ARPP21: variants seen among roughly 807,000 people sequenced by gnomAD.
ARPP21 encodes cAMP regulated phosphoprotein 21.
In ARPP21, 69 loss-of-function variants were observed where a neutral mutation model predicts 113.2. That is an observed-to-expected ratio of 0.61 (90% CI 0.50 to 0.74). The LOEUF is 0.74. Ranked by LOEUF, ARPP21 falls within the 30% of genes least tolerant of loss-of-function variation. ARPP21 has a pLI of 0.00. For missense variants in ARPP21, 1,070 were observed against 1,037.4 expected (o/e 1.03, Z -0.43); for synonymous variants, 368 against 375.5 (o/e 0.98, Z 0.23).
At chr3:35,737,641 G>T (rs778241057) in intron 16 of ARPP21, among the ~76,000 whole-genome samples, 20 of 152,198 alleles carry the variant, frequency 1.3e-4, no homozygotes, top group Non-Finnish European at 2.8e-4. Context: ...TTTTTTAAAT[G>T]TATGGAGGAG....
intron 13 of ARPP21, among the ~76,000 whole-genome samples, chr3:35,720,730 T>C (rs999250539): frequency 6.6e-6 from 1 of 152,214 alleles, no homozygotes; most frequent in African/African-American, 2.4e-5. Flanking sequence ...AATTTCTCTA[T>C]AAAACACATG....
chr3:35,697,361 T>C (rs746524054), intron 9 of ARPP21, among the ~76,000 whole-genome samples: 59 of 151,716 alleles, frequency 3.9e-4, no homozygotes, highest in Non-Finnish European at 6.5e-4. Context: ...CAAGGACATA[T>C]CCAGTGATCC....
rs767177658 is a variant in ARPP21 at position 35,683,719 on chromosome 3, C to A, written c.172-7C>A. 2 of 1,068,502 alleles carry A rather than the reference C, an allele frequency of 1.9e-6. No homozygotes were observed. Among genetic ancestry groups the A allele is most frequent in the South Asian group, 1.3e-5 (1 of 78,072 alleles). The allele number at this position is 1,068,502 out of a possible 1,614,324, so 66.2% of individuals were successfully genotyped here. On this transcript the variant is annotated splice_region_variant and splice_polypyrimidine_tract_variant and intron_variant, in intron 4 of 20. Coordinates refer to ENST00000684406, the MANE Select transcript of ARPP21 (RefSeq NM_001385562.1). ...CCTTTCCTTCCCTTTTCTTTCCCCC[C>A]TCCTAGTCAGGAGCAGGAAAAGGTA...
intron 8 of ARPP21, 88 bp downstream of exon 8, chr3:35,690,228 A>C (rs2081844588): frequency 2.7e-6 from 2 of 746,878 alleles, no homozygotes; most frequent in Non-Finnish European, 4.9e-6. Context: ...AGACTTAGGG[A>C]TAGACAAAAC....
intron 19 of ARPP21, among the ~76,000 whole-genome samples, chr3:35,766,282 C>A (rs1370220035): frequency 2.0e-5 from 3 of 152,128 alleles, no homozygotes; most frequent in Non-Finnish European, 4.4e-5. Context: ...TGTAAATCTT[C>A]ACAAGTTGGA....
At chr3:35,763,349 A>T (rs1294253965) in intron 19 of ARPP21, among the ~76,000 whole-genome samples, 1 of 152,120 alleles carries the variant, frequency 6.6e-6, no homozygotes, top group Admixed American at 6.6e-5. Context: ...CATTAGAGTT[A>T]ATGTCATATT....
chr3:35,682,709 G>A (rs945439844), intron 3 of ARPP21, 139 bp from the exon 4 acceptor site: 1 of 658,420 alleles, frequency 1.5e-6, no homozygotes, highest in Non-Finnish European at 2.4e-6. Flanking sequence ...ATGTTCTGTT[G>A]CTATTATTAT....
intron 18 of ARPP21, among the ~76,000 whole-genome samples, chr3:35,741,273 TAGAA>T (rs1279841714): frequency 3.3e-5 from 5 of 152,196 alleles, no homozygotes; most frequent in Non-Finnish European, 7.3e-5. Flanking sequence ...TTTAAAAAGA[TAGAA>T]AGAGAGGGAG....
chr3:35,739,621 A>G, intron 18 of ARPP21, 44 bp downstream of exon 18: 1 of 1,559,332 alleles, frequency 6.4e-7, no homozygotes, highest in South Asian at 1.2e-5. Flanking sequence ...CTGATTTCTG[A>G]TGCATTTTGA....
intron 19 of ARPP21, among the ~76,000 whole-genome samples, chr3:35,757,224 A>G (rs948956335): frequency 2.0e-5 from 3 of 149,752 alleles, no homozygotes; most frequent in Non-Finnish European, 2.9e-5. Context: ...ACATCTGGCT[A>G]ATTAAAAAAA....
intron 19 of ARPP21, among the ~76,000 whole-genome samples, chr3:35,757,943 A>C (rs2095632035): frequency 6.6e-6 from 1 of 152,152 alleles, no homozygotes; most frequent in Non-Finnish European, 1.5e-5. Context: ...CAATTCACAA[A>C]ACAACTGGTA....
chr3:35,736,638 A>G lies in ARPP21; in HGVS notation c.1460-540A>G, dbSNP rs191008556. Among the ~76,000 whole-genome samples, 438 of 152,318 alleles carry G rather than the reference A, an allele frequency of 2.9e-3. 3 individuals are homozygous for G. Among genetic ancestry groups the G allele is most frequent in the South Asian group, 0.026 (124 of 4,826 alleles). On this transcript the variant is annotated intron_variant, in intron 15 of 20. Transcript: ENST00000684406. ...GGTATCCTTGCTTATGTCTATTTCG[A>G]GAAATGAGTGAATGGATATGTTATG...
intron 19 of ARPP21, among the ~76,000 whole-genome samples, chr3:35,791,975 A>G (rs1472394053): frequency 1.3e-5 from 2 of 152,228 alleles, no homozygotes; most frequent in Non-Finnish European, 2.9e-5. Context: ...TAGTCAGGGA[A>G]TGAGTCAATT....
At chr3:35,744,508 C>T (rs773585541) in intron 19 of ARPP21, 7 of 531,312 alleles carry the variant, frequency 1.3e-5, no homozygotes, top group African/African-American at 3.9e-5. Flanking sequence ...ATACACTGTA[C>T]GAGAGTGAGT....
chr3:35,739,519 A>G lies in ARPP21; in HGVS notation c.1952A>G (p.Gln651Arg), dbSNP rs761415722. 1 of 1,614,076 alleles carries G rather than the reference A, an allele frequency of 6.2e-7. No homozygotes were observed. Among genetic ancestry groups the G allele is most frequent in the Non-Finnish European group, 8.5e-7 (1 of 1,179,992 alleles). ...FSGSGPPISQQVLQPPPSPQG... is the reference protein window; with the variant it reads ...FSGSGPPISQRVLQPPPSPQG... ...GGCTCTGGCCCTCCCATCTCCCAGCAGGTCCTCCAGCCCCCTCCCTCACCA... is the reference window on the plus strand; with the variant it reads ...GGCTCTGGCCCTCCCATCTCCCAGCGGGTCCTCCAGCCCCCTCCCTCACCA... Residue 651 changes from glutamine to arginine, a missense_variant, in exon 18 of 21, where the codon CAG becomes CGG. Physicochemically the swap from Gln to Arg is conservative, Grantham distance 43. Coordinates refer to ENST00000684406, the MANE Select transcript of ARPP21 (RefSeq NM_001385562.1).
rs367880791 is a variant in ARPP21, at chr3:35,660,090, T to C, written c.-213+19692T>C. ...CCTTCCTGGCATCCTTCTCAGGGAT[T>C]CTCAGCTTTTGGACCTTGACTTCTT... is the stretch of plus-strand genomic sequence containing the variant. On this transcript the variant is annotated intron_variant, in intron 1 of 20. Coordinates refer to ENST00000684406, the MANE Select transcript of ARPP21 (RefSeq NM_001385562.1). Among the ~76,000 whole-genome samples, 64 of 152,318 alleles carry C rather than the reference T, an allele frequency of 4.2e-4. No individual in the cohort carries two copies. In the Middle Eastern group the frequency reaches 0.027, roughly 65 times the overall value.
At chr3:35,640,888 G>A (rs761727881) in intron 1 of ARPP21, 2 of 152,192 alleles carry the variant, frequency 1.3e-5, no homozygotes, top group Non-Finnish European at 2.9e-5. Flanking sequence ...GTCTCAGGTT[G>A]TAGATATGGT....
At chr3:35,767,020 T>A (rs1243638269) in intron 19 of ARPP21, among the ~76,000 whole-genome samples, 1 of 152,186 alleles carries the variant, frequency 6.6e-6, no homozygotes, top group Admixed American at 6.6e-5. Flanking sequence ...ATTTAGCTCT[T>A]TACTGCTCCA....
intron 5 of ARPP21, chr3:35,685,350 T>C: frequency 1.0e-6 from 1 of 985,306 alleles, no homozygotes; most frequent in Non-Finnish European, 1.2e-6. Context: ...AATGAGAGCC[T>C]GCAAGCCTCT....
Sources: gnomAD v4.1 joint callset for allele counts (sites outside exome capture counted in the v4.1 genomes callset) on GRCh38, gnomAD v4.1.1 for gene constraint, MANE v1.5 for transcripts, NCBI Gene and HGNC (gene_info 2026-07-23, HGNC 2026-07-21) for gene names.